Variants in HRH1 observed in about 807,000 individuals in gnomAD.
HRH1 encodes histamine H1 receptor.
In HRH1, 6 loss-of-function variants were observed where a neutral mutation model predicts 10.3. The ratio of observed to expected loss-of-function variants is 0.58; its 90% CI spans 0.32 to 1.15. HRH1 has a LOEUF of 1.15. HRH1 is among the 50% of genes most tolerant of loss of function. HRH1 has a pLI of 0.05. For missense variants in HRH1, 514 were observed against 615.3 expected (o/e 0.84, Z 1.74); for synonymous variants, 242 against 236.7 (o/e 1.02, Z -0.21).
rs778254410 is a variant in HRH1, at chr3:11,260,492, T to A, written c.1455T>A (p.Ile485=). 1 of 1,597,920 alleles carries A rather than the reference T, an allele frequency of 6.3e-7. No homozygotes were observed. Among genetic ancestry groups the A allele is most frequent in the South Asian group, 1.1e-5 (1 of 88,126 alleles). ...FKKTFKRILH[I]RS ...AGACATTCAAGAGAATTCTGCATAT[T>A]CGCTCCTAAGGGAGGCTCTGAGGGG... Residue 485 remains isoleucine, a synonymous_variant, in exon 2 of 2, where the codon ATT becomes ATA. Coordinates refer to ENST00000431010, the MANE Select transcript of HRH1 (RefSeq NM_001098212.2).
At chr3:11,188,173 G>T (rs1038523242) in intron 1 of HRH1, among the ~76,000 whole-genome samples, 1 of 152,118 alleles carries the variant, frequency 6.6e-6, no homozygotes, top group Admixed American at 6.6e-5. Flanking sequence ...TTTTTTAATT[G>T]ACAATATCTA....
At chr3:11,241,555 T>C (rs1341619152) in intron 1 of HRH1, among the ~76,000 whole-genome samples, 2 of 152,042 alleles carry the variant, frequency 1.3e-5, no homozygotes, top group African/African-American at 4.8e-5. Context: ...CCACTCAGGC[T>C]GGGCACGGTG....
chr3:11,150,722 G>A (rs1219016271), upstream of HRH1, among the ~76,000 whole-genome samples: 2 of 152,226 alleles, frequency 1.3e-5, no homozygotes, highest in Middle Eastern at 3.4e-3. Context: ...GGCAACTTGG[G>A]CAAGTAACTT....
intron 1 of HRH1, among the ~76,000 whole-genome samples, chr3:11,248,829 G>C (rs1229397334): frequency 6.6e-6 from 1 of 152,182 alleles, no homozygotes; most frequent in South Asian, 2.1e-4. Context: ...CCAGGCTGTG[G>C]GGTTCTGGAA....
chr3:11,166,651 G>A (rs1391923929), intron 1 of HRH1, among the ~76,000 whole-genome samples: 1 of 120,536 alleles, frequency 8.3e-6, no homozygotes, highest in Admixed American at 9.2e-5. Context: ...TCTCCAGGCT[G>A]TGACATCTCC....
At chr3:11,256,391 G>A (rs1207027552) in intron 1 of HRH1, among the ~76,000 whole-genome samples, 1 of 152,152 alleles carries the variant, frequency 6.6e-6, no homozygotes, top group Non-Finnish European at 1.5e-5. Context: ...TAGAGCTTGG[G>A]CAAAATCAGT....
intron 1 of HRH1, among the ~76,000 whole-genome samples, chr3:11,191,703 A>G (rs1937534569): frequency 6.6e-6 from 1 of 152,212 alleles, no homozygotes; most frequent in Admixed American, 6.5e-5. Context: ...AACTAGAGGA[A>G]TTAAGTATGT....
At chr3:11,237,658 C>G (rs1365905242) in intron 1 of HRH1, among the ~76,000 whole-genome samples, 1 of 111,278 alleles carries the variant, frequency 9.0e-6, no homozygotes, top group Admixed American at 1.1e-4. Flanking sequence ...TTTTCTTTTT[C>G]TTTTCCTTTT....
intron 1 of HRH1, among the ~76,000 whole-genome samples, chr3:11,191,019 G>A (rs749149437): frequency 4.8e-4 from 73 of 152,116 alleles, no homozygotes; most frequent in African/African-American, 7.7e-4. Flanking sequence ...TTCACAGTGC[G>A]CCCCCTTTCA....
At chr3:11,231,952 T>C (rs1939053447) in intron 1 of HRH1, among the ~76,000 whole-genome samples, 2 of 152,066 alleles carry the variant, frequency 1.3e-5, no homozygotes, top group African/African-American at 4.8e-5. Flanking sequence ...AGTTTTGTAG[T>C]TTACATTTTA....
At chr3:11,185,765 T>C (rs1449102559) in intron 1 of HRH1, among the ~76,000 whole-genome samples, 1 of 152,150 alleles carries the variant, frequency 6.6e-6, no homozygotes, top group Admixed American at 6.5e-5. Flanking sequence ...TTGTAAACCC[T>C]GCGGTGTCGT....
intron 1 of HRH1, among the ~76,000 whole-genome samples, chr3:11,209,277 A>G (rs1938242543): frequency 6.6e-6 from 1 of 152,118 alleles, no homozygotes; most frequent in African/African-American, 2.4e-5. Context: ...TTTTTTGTAG[A>G]GGTAGGTTCT....
At chr3:11,228,394 T>C (rs1938952005) in intron 1 of HRH1, among the ~76,000 whole-genome samples, 1 of 152,122 alleles carries the variant, frequency 6.6e-6, no homozygotes, top group Non-Finnish European at 1.5e-5. Flanking sequence ...CAAAATTTTT[T>C]TTTTTAATCC....
chr3:11,151,763 A>G (rs981266596), upstream of HRH1, among the ~76,000 whole-genome samples: 4 of 152,016 alleles, frequency 2.6e-5, no homozygotes, highest in African/African-American at 9.7e-5. Flanking sequence ...GGCCTCCCCA[A>G]TCCTACCTGG....
chr3:11,258,184 A>G (rs1575047955), intron 1 of HRH1, among the ~76,000 whole-genome samples: 1 of 146,698 alleles, frequency 6.8e-6, no homozygotes, highest in Non-Finnish European at 1.5e-5. Context: ...AACCTCCTCC[A>G]TATCATTTAG....
At chr3:11,230,094 G>C (rs145395907) in intron 1 of HRH1, among the ~76,000 whole-genome samples, 1 of 152,218 alleles carries the variant, frequency 6.6e-6, no homozygotes, top group African/African-American at 2.4e-5. Flanking sequence ...AAAAGGAGTA[G>C]GTGGCTGGCC....
At chr3:11,248,997 T>C (rs144132480) in intron 1 of HRH1, among the ~76,000 whole-genome samples, 43 of 152,374 alleles carry the variant, frequency 2.8e-4, no homozygotes, top group African/African-American at 9.6e-4. Context: ...GGCATTTGGA[T>C]CTTGATATCC....
chr3:11,233,832 G>T (rs1171100468), intron 1 of HRH1, among the ~76,000 whole-genome samples: 1 of 152,188 alleles, frequency 6.6e-6, no homozygotes, highest in Non-Finnish European at 1.5e-5. Context: ...GCATTTTTAG[G>T]AGAAGATGTT....
At position 11,144,456 on chromosome 3, in the gene HRH1, G is replaced by C. The variant is rs1160950236; in HGVS notation, c.-36+7057G>C. Among the ~76,000 whole-genome samples, 3 of 151,274 alleles carry C rather than the reference G, an allele frequency of 2.0e-5. No individual in the cohort carries two copies. In the East Asian group the frequency reaches 5.8e-4, roughly 29 times the overall value. ...ATAGACATATAGACATACGTCTATA[G>C]GTATATATACATATAGACATATATA... is the stretch of plus-strand genomic sequence containing the variant. On this transcript the variant is annotated intron_variant, in intron 1 of 1. Transcript: ENST00000438284.
Sources: allele counts gnomAD v4.1 joint callset (sites outside exome capture counted in the v4.1 genomes callset), GRCh38; gene constraint gnomAD v4.1.1; transcripts MANE v1.5; gene names NCBI Gene and HGNC (gene_info 2026-07-23, HGNC 2026-07-21).